Variants in SMG6 observed in about 807,000 individuals in gnomAD.
SMG6 encodes telomerase-binding protein EST1A.
Under a neutral mutation model 142.2 loss-of-function variants are expected in SMG6, and 66 were observed. That is an observed-to-expected ratio of 0.46 (90% CI 0.38 to 0.57). The LOEUF is 0.57. SMG6 is among the 20% of genes least tolerant of loss of function. The pLI, the probability that SMG6 is intolerant of heterozygous loss-of-function variation, is 0.00. For synonymous variants in SMG6, 779 were observed against 702.4 expected (o/e 1.11, Z -1.72); for missense variants, 1,793 against 1,832.0 (o/e 0.98, Z 0.39).
chr17:2,066,737 A>G (rs1354837653), intron 16 of SMG6, among the ~76,000 whole-genome samples: 1 of 151,436 alleles, frequency 6.6e-6, no homozygotes, highest in East Asian at 1.9e-4. Flanking sequence ...GTGTCCACAC[A>G]GTGCATGGCT....
intron 15 of SMG6, among the ~76,000 whole-genome samples, chr17:2,081,143 C>G (rs548674856): frequency 2.0e-5 from 3 of 152,256 alleles, no homozygotes; most frequent in Non-Finnish European, 4.4e-5. Flanking sequence ...GCACACGGTT[C>G]ACCTTTAAAC....
At chr17:2,209,361 C>T (rs2072780289) in intron 10 of SMG6, among the ~76,000 whole-genome samples, 1 of 152,070 alleles carries the variant, frequency 6.6e-6, no homozygotes, top group Non-Finnish European at 1.5e-5. Flanking sequence ...CGCCACCATG[C>T]CCAGCTAAAA....
intron 15 of SMG6, among the ~76,000 whole-genome samples, chr17:2,073,382 C>T (rs1037323926): frequency 6.6e-6 from 1 of 151,898 alleles, no homozygotes; most frequent in African/African-American, 2.4e-5. Flanking sequence ...CTGTGCCCAG[C>T]GTTTTTTTGT....
chr17:2,218,155 T>C (rs904630025), intron 10 of SMG6, among the ~76,000 whole-genome samples: 2 of 152,160 alleles, frequency 1.3e-5, no homozygotes, highest in African/African-American at 2.4e-5. Flanking sequence ...TTCAGCTCAA[T>C]AGAAGGTTTA....
At chr17:2,170,882 T>C (rs2071482929) in intron 13 of SMG6, among the ~76,000 whole-genome samples, 1 of 152,348 alleles carries the variant, frequency 6.6e-6, no homozygotes, top group Non-Finnish European at 1.5e-5. Flanking sequence ...AAGCAAAGAT[T>C]GGTTAAAGAA....
chr17:2,286,323 A>G (rs1408929313), intron 6 of SMG6, among the ~76,000 whole-genome samples: 1 of 151,874 alleles, frequency 6.6e-6, no homozygotes, highest in Non-Finnish European at 1.5e-5. Flanking sequence ...AAAAAAAAAA[A>G]AACGAAGTTA....
chr17:2,076,152 C>A (rs1419006763), intron 15 of SMG6, among the ~76,000 whole-genome samples: 1 of 152,106 alleles, frequency 6.6e-6, no homozygotes, highest in Non-Finnish European at 1.5e-5. Flanking sequence ...ATCTTCACAT[C>A]CCCTTCCCCA....
At chr17:2,275,617 T>C (rs2074631903) in intron 8 of SMG6, among the ~76,000 whole-genome samples, 2 of 152,174 alleles carry the variant, frequency 1.3e-5, no homozygotes, top group African/African-American at 4.8e-5. Context: ...TGATTTCTGA[T>C]GCTGTAATTT....
intron 10 of SMG6, among the ~76,000 whole-genome samples, chr17:2,219,032 C>A (rs1323531921): frequency 6.6e-6 from 1 of 152,188 alleles, no homozygotes; most frequent in Non-Finnish European, 1.5e-5. Flanking sequence ...TTTTATTCTG[C>A]CATTTATTCA....
rs11354589 is a variant in SMG6, at chr17:2,165,283, G to GA, written c.3357+7374dup. On this transcript the variant is annotated intron_variant, in intron 13 of 18. Coordinates refer to ENST00000263073, the MANE Select transcript of SMG6 (RefSeq NM_017575.5). ...CAGTATCATTTATATGAAAGAGACT[G>GA]AAAAAAAAAAAACTGAAAACTAGAC... is the stretch of plus-strand genomic sequence containing the variant. Among the ~76,000 whole-genome samples, 492 of 146,052 alleles carry GA rather than the reference G, an allele frequency of 3.4e-3. 1 individual carries two copies. The highest frequency in any genetic ancestry group is 8.1e-3 in the African/African-American group (327 of 40,428).
At chr17:2,292,719 G>A (rs571260617) in intron 5 of SMG6, 89 bp from the exon 6 acceptor site, 12 of 1,524,010 alleles carry the variant, frequency 7.9e-6, no homozygotes, top group South Asian at 5.6e-5. Context: ...AAAACATAAG[G>A]TAGAGTGTTA....
chr17:2,204,701 C>T (rs138287022), intron 10 of SMG6, among the ~76,000 whole-genome samples: 8 of 152,208 alleles, frequency 5.3e-5, no homozygotes, highest in South Asian at 2.1e-4. Context: ...TGGTGGCTCA[C>T]GCCTATAATT....
At chr17:2,242,521 C>T (rs1321702018) in intron 9 of SMG6, among the ~76,000 whole-genome samples, 1 of 150,124 alleles carries the variant, frequency 6.7e-6, no homozygotes, top group Non-Finnish European at 1.5e-5. Context: ...CAGAGCGAGA[C>T]TTCGTCTCAA....
At chr17:2,136,640 T>C (rs2070313288) in intron 13 of SMG6, among the ~76,000 whole-genome samples, 2 of 151,884 alleles carry the variant, frequency 1.3e-5, no homozygotes, top group Admixed American at 1.3e-4. Flanking sequence ...AAAACTTTAC[T>C]GAATACACCA....
chr17:2,246,464 G>C (rs1309513930), intron 8 of SMG6, among the ~76,000 whole-genome samples: 1 of 152,210 alleles, frequency 6.6e-6, no homozygotes, highest in Non-Finnish European at 1.5e-5. Flanking sequence ...AGCCAAGTGT[G>C]GGAAAAGAGG....
chr17:2,176,085 T>G (rs1393661412), intron 12 of SMG6, among the ~76,000 whole-genome samples: 1 of 152,136 alleles, frequency 6.6e-6, no homozygotes, highest in African/African-American at 2.4e-5. Flanking sequence ...ACTCAAAAGT[T>G]AAGATATTTG....
intron 13 of SMG6, among the ~76,000 whole-genome samples, chr17:2,159,117 G>A (rs1391315230): frequency 6.6e-6 from 1 of 152,016 alleles, no homozygotes; most frequent in Non-Finnish European, 1.5e-5. Flanking sequence ...TCATTATTCA[G>A]GAAAATGACT....
In SMG6 at chr17:2,068,946, T is replaced by C. The variant is rs113675631; in HGVS notation, c.3682-15A>G. 1 of 1,612,638 alleles carries C rather than the reference T, an allele frequency of 6.2e-7. No individual in the cohort carries two copies. The highest frequency in any genetic ancestry group is 8.5e-7 in the Non-Finnish European group (1 of 1,179,096). The stretch of plus-strand genomic sequence containing the variant: ...TCCAGGACAGCCTATGGGGACAGAG[T>C]GGTGAATGAGCCAGACAGCGAGCAG... On this transcript the variant is annotated splice_polypyrimidine_tract_variant and intron_variant, in intron 15 of 18. Coordinates refer to ENST00000263073, the MANE Select transcript of SMG6 (RefSeq NM_017575.5). This position sits in a 1 kb window ranked among gnomAD's most constrained non-coding sequence, Gnocchi z 6.7.
intron 6 of SMG6, among the ~76,000 whole-genome samples, chr17:2,285,527 G>GA (rs1209109813): frequency 1.3e-5 from 2 of 151,946 alleles, no homozygotes; most frequent in East Asian, 3.9e-4. Flanking sequence ...TGAGCAATCT[G>GA]AAAAAAAAGA....
Sources: gnomAD v4.1 joint callset for allele counts (sites outside exome capture counted in the v4.1 genomes callset) on GRCh38, gnomAD v4.1.1 for gene constraint, Gnocchi (gnomAD v3.1) non-coding constraint, MANE v1.5 for transcripts, NCBI Gene and HGNC (gene_info 2026-07-23, HGNC 2026-07-21) for gene names.